Variants in ADRA2B observed in about 807,000 individuals in gnomAD.
The protein encoded by ADRA2B is adrenoceptor alpha 2B.
Under a neutral mutation model 14.4 loss-of-function variants are expected in ADRA2B, and 14 were observed. The observed-to-expected ratio is 0.97, with a 90% CI of 0.64 to 1.52. The LOEUF (loss-of-function observed/expected upper bound fraction) is 1.52, where lower values mean the gene tolerates loss of function less well. ADRA2B is among the 40% of genes most tolerant of loss of function. The pLI, the probability that ADRA2B is intolerant of heterozygous loss-of-function variation, is 0.00. For missense variants in ADRA2B, 606 were observed against 603.2 expected, an observed-to-expected ratio of 1.00 and a Z score of -0.05; for synonymous variants, 250 against 263.7, an observed-to-expected ratio of 0.95 and a Z score of 0.50.
At position 96,114,912 on chromosome 2, in the gene ADRA2B, C is replaced by A; in HGVS notation, c.1238G>T (p.Trp413Leu). ...CAGTGAGCTGTTGCAGTAGCCGATC[C>A]AGAAGAAGAACTGGAAGAGGCCATG... is the stretch of plus-strand genomic sequence containing the variant. ...VPHGLFQFFF[W>L]IGYCNSSLNP... The change falls in exon 1 of 1, where the codon TGG (tryptophan) becomes TTG (leucine). Residue 413 changes from tryptophan to leucine, a missense_variant. Trp to Leu is a moderately conservative substitution (Grantham distance 61). Coordinates refer to ENST00000620793, the MANE Select transcript of ADRA2B (RefSeq NM_000682.7). 1 of 1,614,010 alleles carries A rather than the reference C, an allele frequency of 6.2e-7. No homozygotes were observed. Among genetic ancestry groups the A allele is most frequent in the Non-Finnish European group, 8.5e-7 (1 of 1,179,946 alleles).
In ADRA2B at chr2:96,115,791, T is replaced by C; in HGVS notation, c.359A>G (p.Tyr120Cys). 2 of 1,612,916 alleles carry C rather than the reference T, an allele frequency of 1.2e-6. No individual in the cohort carries two copies. The highest frequency in any genetic ancestry group is 8.5e-7 in the Non-Finnish European group (1 of 1,179,602). The change falls in exon 1 of 1, where the codon TAC (tyrosine) becomes TGC (cysteine). Residue 120 changes from tyrosine to cysteine, a missense_variant. Physicochemically the swap from Tyr to Cys is radical, Grantham distance 194. Coordinates refer to ENST00000620793, the MANE Select transcript of ADRA2B (RefSeq NM_000682.7). ...GCGGCGCGGGGTGCGCTTGGAGTTG[T>C]ACTCCAGCGCGCGGCTCACGGCCCA... ...RYWAVSRALE[Y>C]NSKRTPRRIK...
rs1681818283 is a variant in ADRA2B at position 96,114,525 on chromosome 2, T to TG, written c.*271dup. 2 of 1,298,940 alleles carry TG rather than the reference T, an allele frequency of 1.5e-6. No homozygotes were observed. The highest frequency in any genetic ancestry group is 3.0e-5 in the African/African-American group (2 of 67,344). The allele number at this position is 1,298,940 out of a possible 1,614,324, so 80.5% of individuals were successfully genotyped here. On this transcript the variant is annotated 3_prime_UTR_variant, in exon 1 of 1. Coordinates refer to ENST00000620793, the MANE Select transcript of ADRA2B (RefSeq NM_000682.7). ...CTCTCTCTTCTCCTGGTCTTGGCTA[T>TG]GTTCCAGAGGATTTGAACCACCTCC...
chr2:96,114,078 G>T lies in ADRA2B; in HGVS notation c.*719C>A. On this transcript the variant is annotated 3_prime_UTR_variant, in exon 1 of 1. Coordinates refer to ENST00000620793, the MANE Select transcript of ADRA2B (RefSeq NM_000682.7). ...CAGTGATCGGGGATCTCCCGTCGAGGCAGAGACCAGGCCTCCAAGACCGCC... is the reference window on the plus strand; with the variant it reads ...CAGTGATCGGGGATCTCCCGTCGAGTCAGAGACCAGGCCTCCAAGACCGCC... 1.0e-6 allele frequency: 1 copy of T among 985,822 alleles called. No homozygotes were observed. The highest frequency in any genetic ancestry group is 1.2e-6 in the Non-Finnish European group (1 of 829,954). 61.1% of individuals were successfully genotyped at this position (985,822 alleles called of 1,614,324 possible). A position where few individuals can be genotyped will look rare whatever the true frequency, so the allele number is the denominator to read the frequency against.
At position 96,114,030 on chromosome 2, in the gene ADRA2B, C is replaced by G; in HGVS notation, c.*767G>C. 1 of 985,864 alleles carries G rather than the reference C, an allele frequency of 1.0e-6. No individual in the cohort carries two copies. 61.1% of individuals were successfully genotyped at this position (985,864 alleles called of 1,614,324 possible). On this transcript the variant is annotated 3_prime_UTR_variant, in exon 1 of 1. Coordinates refer to ENST00000620793, the MANE Select transcript of ADRA2B (RefSeq NM_000682.7). ...AGTAGGCAGTGAGCTATTGTCGCCCCGATTTTTGCAGGGGGTGAATGCCAG... is the reference window on the plus strand; with the variant it reads ...AGTAGGCAGTGAGCTATTGTCGCCCGGATTTTTGCAGGGGGTGAATGCCAG...
rs34894270 is a variant in ADRA2B, at chr2:96,114,792, C to T, written c.*5G>A. On this transcript the variant is annotated 3_prime_UTR_variant, in exon 1 of 1. Coordinates refer to ENST00000620793, the MANE Select transcript of ADRA2B (RefSeq NM_000682.7). ...ACCAACCCCACAGGGGCAGCGCAGGCGGGCTCACCAGGCCGTCTGGGTCCA... is the reference window on the plus strand; with the variant it reads ...ACCAACCCCACAGGGGCAGCGCAGGTGGGCTCACCAGGCCGTCTGGGTCCA... The T allele has an allele frequency of 4.4e-6, 7 of 1,608,896 alleles. No homozygotes were observed. Among genetic ancestry groups the T allele is most frequent in the African/African-American group, 4.0e-5 (3 of 74,890 alleles).
rs370495632 is a variant in ADRA2B, at chr2:96,115,149, C to A, written c.1001G>T (p.Arg334Leu). 14 of 1,589,898 alleles carry A rather than the reference C, an allele frequency of 8.8e-6. No individual in the cohort carries two copies. The African/African-American group carries it at 1.9e-4, about 21-fold the overall frequency. ...CTGGCCACGTAGGGTGGCCAGCACCCGGGAGCCCTGTGGCTGCTGCAGCGG... is the reference window on the plus strand; with the variant it reads ...CTGGCCACGTAGGGTGGCCAGCACCAGGGAGCCCTGTGGCTGCTGCAGCGG... ...SPPLQQPQGS[R>L]VLATLRGQVL... is the part of the protein sequence containing the mutation. The change falls in exon 1 of 1, where the codon CGG (arginine) becomes CTG (leucine). Residue 334 changes from arginine (R) to leucine (L), a missense_variant. Transcript: ENST00000620793.
At position 96,115,698 on chromosome 2, in the gene ADRA2B, T is replaced by C. The variant is rs1418468047; in HGVS notation, c.452A>G (p.Lys151Arg). The C allele has an allele frequency of 1.2e-6, 2 of 1,613,508 alleles. No individual in the cohort carries two copies. Among genetic ancestry groups the C allele is most frequent in the Non-Finnish European group, 8.5e-7 (1 of 1,179,778 alleles). ...GCGCGGCTGGGGGCCCTGGTCGCCC[T>C]TGTAGATGAGGGGCGGCAGCGAGAT... ...AVISLPPLIYKGDQGPQPRGR... is the reference protein window; with the variant it reads ...AVISLPPLIYRGDQGPQPRGR... The change falls in exon 1 of 1, where the codon AAG becomes AGG. Residue 151 changes from lysine (K) to arginine (R), a missense_variant. Transcript: ENST00000620793.
Position 96,115,630 on chromosome 2 carries a change from G to C in ADRA2B, c.520C>G (p.Leu174Val), listed in dbSNP as rs1681853518. 6.8e-6 allele frequency: 11 copies of C among 1,613,750 alleles called. No homozygotes were observed. The highest frequency in any genetic ancestry group is 9.3e-6 in the Non-Finnish European group (11 of 1,179,900). Residue 174 changes from leucine (L) to valine (V), a missense_variant, in exon 1 of 1, where the codon CTG (leucine) becomes GTG (valine). By Grantham distance (32) the Leu-to-Val change is conservative. Coordinates refer to ENST00000620793, the MANE Select transcript of ADRA2B (RefSeq NM_000682.7). ...CKLNQEAWYI[L>V]ASSIGSFFAP... ...AAGAAAGATCCGATGCTGGAGGCCA[G>C]GATGTACCAGGCCTCCTGGTTGAGC... is the stretch of plus-strand genomic sequence containing the variant.
rs554401747 is a variant in ADRA2B at position 96,113,555 on chromosome 2, G to A, written c.*1242C>T. ...TGATGCCAGTACCCCACCTGGGGGC[G>A]CTGCCACCTGTCACAGGCTCTCATC... On this transcript the variant is annotated 3_prime_UTR_variant, in exon 1 of 1. Transcript: ENST00000620793. The A allele has an allele frequency of 8.7e-5, 15 of 172,014 alleles. No homozygotes were observed. Among genetic ancestry groups the A allele is most frequent in the East Asian group, 1.6e-4 (1 of 6,390 alleles). The allele number at this position is 172,014 out of a possible 1,614,324, so 10.7% of individuals were successfully genotyped here. A position where few individuals can be genotyped will look rare whatever the true frequency, so the allele number is the denominator to read the frequency against.
Position 96,115,540 on chromosome 2 carries a change from G to A in ADRA2B, c.610C>T (p.Arg204Cys), listed in dbSNP as rs908202444. 2.5e-6 allele frequency: 4 copies of A among 1,613,844 alleles called. No homozygotes were observed. Among genetic ancestry groups the A allele is most frequent in the Admixed American group, 1.7e-5 (1 of 60,036 alleles). Residue 204 changes from arginine (R) to cysteine (C), a missense_variant, in exon 1 of 1, where the codon CGC becomes TGC. Transcript: ENST00000620793. Reference protein sequence around the residue: ...RIYLIAKRSNRRGPRAKGGPG... With the variant: ...RIYLIAKRSNCRGPRAKGGPG... ...CCCCCCTTGGCCCTGGGACCTCTGC[G>A]GTTGCTGCGTTTGGCGATCAGGTAG...
Position 96,114,994 on chromosome 2 carries a change from G to A in ADRA2B, c.1156C>T (p.Pro386Ser), listed in dbSNP as rs766782622. 2 of 1,613,612 alleles carry A rather than the reference G, an allele frequency of 1.2e-6. No homozygotes were observed. Among genetic ancestry groups the A allele is most frequent in the East Asian group, 4.5e-5 (2 of 44,872 alleles). ...VIGVFVLCWF[P>S]FFFSYSLGAI... is the part of the protein sequence containing the mutation. ...CCCAGGCTGTAGCTGAAGAAGAAGG[G>A]GAACCAGCAGAGCACAAAAACGCCA... Residue 386 changes from proline to serine, a missense_variant, in exon 1 of 1, where the codon CCC (proline) becomes TCC (serine). By Grantham distance (74) the Pro-to-Ser change is moderately conservative. Coordinates refer to ENST00000620793, the MANE Select transcript of ADRA2B (RefSeq NM_000682.7).
chr2:96,115,440 A>G lies in ADRA2B; in HGVS notation c.710T>C (p.Leu237Pro). The change falls in exon 1 of 1, where the codon CTG becomes CCG. Residue 237 changes from leucine (L) to proline (P), a missense_variant. Transcript: ENST00000620793. ...GALASAKLPA[L>P]ASVASAREVN... ...CTCTCTGGCAGAAGCCACAGAGGCC[A>G]GGGCTGGCAGTTTGGCTGAGGCCAA... 1 of 1,612,828 alleles carries G rather than the reference A, an allele frequency of 6.2e-7. No homozygotes were observed. Among genetic ancestry groups the G allele is most frequent in the Non-Finnish European group, 8.5e-7 (1 of 1,179,376 alleles).
At position 96,115,844 on chromosome 2, in the gene ADRA2B, G is replaced by A. The variant is rs370055953; in HGVS notation, c.306C>T (p.His102=). 14 of 1,613,338 alleles carry A rather than the reference G, an allele frequency of 8.7e-6. No individual in the cohort carries two copies. The highest frequency in any genetic ancestry group is 1.3e-5 in the African/African-American group (1 of 74,942). The change falls in exon 1 of 1, where the codon CAC becomes CAT. Residue 102 remains histidine (H), a synonymous_variant. Transcript: ENST00000620793. ...AGCGGTCCAGGCTGATGGCGCACAG[G>A]TGCACGATGGACGAGGTGCAGAAGA... ...DVLFCTSSIV[H]LCAISLDRYW...
In ADRA2B at chr2:96,114,354, G is replaced by C. The variant is rs900331187; in HGVS notation, c.*443C>G. On this transcript the variant is annotated 3_prime_UTR_variant, in exon 1 of 1. Coordinates refer to ENST00000620793, the MANE Select transcript of ADRA2B (RefSeq NM_000682.7). The stretch of plus-strand genomic sequence containing the variant: ...CAGGCCCCACTGGGAAAAGTGGAAG[G>C]CTGGCTCCGTGCTCTTTGTGGGTGG... 2.0e-5 allele frequency: 20 copies of C among 997,068 alleles called. No individual in the cohort carries two copies. The highest frequency in any genetic ancestry group is 1.3e-4 in the South Asian group (3 of 22,584). 61.8% of individuals were successfully genotyped at this position (997,068 alleles called of 1,614,324 possible). A position where few individuals can be genotyped will look rare whatever the true frequency, so the allele number is the denominator to read the frequency against.
Position 96,115,063 on chromosome 2 carries a change from G to A in ADRA2B, c.1087C>T (p.Leu363=). 6.2e-7 allele frequency: 1 copy of A among 1,613,636 alleles called. No individual in the cohort carries two copies. ...AAGGTGAAGCGCTTCTCCCGGGTCAGCTGCGCCCGTCGACGCCACCACTGC... is the reference window on the plus strand; with the variant it reads ...AAGGTGAAGCGCTTCTCCCGGGTCAACTGCGCCCGTCGACGCCACCACTGC... ...GGQWWRRRAQ[L]TREKRFTFVL... Residue 363 remains leucine, a synonymous_variant, in exon 1 of 1, where the codon CTG becomes TTG. Coordinates refer to ENST00000620793, the MANE Select transcript of ADRA2B (RefSeq NM_000682.7).
chr2:96,113,426 C>T lies in ADRA2B; in HGVS notation c.*1371G>A, dbSNP rs1014308546. On this transcript the variant is annotated 3_prime_UTR_variant, in exon 1 of 1. Transcript: ENST00000620793. ...GGCTGGGTCCGAGGCAGTCCACAAG[C>T]ACCCACCTGGGGGGATCAGTTGTGG... 3.6e-5 allele frequency: 12 copies of T among 331,060 alleles called. No homozygotes were observed. The highest frequency in any genetic ancestry group is 6.0e-5 in the Non-Finnish European group (11 of 184,108). The allele number at this position is 331,060 out of a possible 1,614,324, so 20.5% of individuals were successfully genotyped here.
chr2:96,114,512 C>G lies in ADRA2B; in HGVS notation c.*285G>C, dbSNP rs1681817861. 6 of 1,264,806 alleles carry G rather than the reference C, an allele frequency of 4.7e-6. No homozygotes were observed. The highest frequency in any genetic ancestry group is 1.5e-5 in the African/African-American group (1 of 66,610). 78.3% of individuals were successfully genotyped at this position (1,264,806 alleles called of 1,614,324 possible). A position where few individuals can be genotyped will look rare whatever the true frequency, so the allele number is the denominator to read the frequency against. ...TGGGAAGAAAGTGCTCTCTCTTCTCCTGGTCTTGGCTATGTTCCAGAGGAT... is the reference window on the plus strand; with the variant it reads ...TGGGAAGAAAGTGCTCTCTCTTCTCGTGGTCTTGGCTATGTTCCAGAGGAT... On this transcript the variant is annotated 3_prime_UTR_variant, in exon 1 of 1. Transcript: ENST00000620793.
In ADRA2B at chr2:96,116,455, G is replaced by A. The variant is rs1170402185; in HGVS notation, c.-306C>T. Among the ~76,000 whole-genome samples, 4 of 152,234 alleles carry A rather than the reference G, an allele frequency of 2.6e-5. No homozygotes were observed. Among genetic ancestry groups the A allele is most frequent in the Non-Finnish European group, 5.9e-5 (4 of 68,036 alleles). ...AGAAAGTCGCGCCCTCCCGCCACGC[G>A]GATGCCGTACGCTCTGGGGGCGCGG... On this transcript the variant is annotated 5_prime_UTR_variant, in exon 1 of 1. Transcript: ENST00000620793.
chr2:96,116,546 C>T lies in ADRA2B; in HGVS notation c.-397G>A, dbSNP rs1399091383. Among the ~76,000 whole-genome samples, 1 of 152,148 alleles carries T rather than the reference C, an allele frequency of 6.6e-6. No homozygotes were observed. The highest frequency in any genetic ancestry group is 2.4e-5 in the African/African-American group (1 of 41,448). ...TGCGCCCGCTCAGCTCGCAGGCTTT[C>T]GCCCCAGCCGCGCCTGCAGGGGAGT... On this transcript the variant is annotated 5_prime_UTR_variant, in exon 1 of 1. Transcript: ENST00000620793.
Sources: allele counts gnomAD v4.1 joint callset (sites outside exome capture counted in the v4.1 genomes callset), GRCh38; gene constraint gnomAD v4.1.1; transcripts MANE v1.5; gene names NCBI Gene and HGNC (gene_info 2026-07-23, HGNC 2026-07-21).